ANO2: variants seen among roughly 807,000 people sequenced by gnomAD.
The protein encoded by ANO2 is anoctamin 2, also known as anoctamin-2.
A neutral mutation model predicts 124.2 loss-of-function variants in ANO2; 101 were observed. The observed-to-expected ratio is 0.81, with a 90% CI of 0.69 to 0.96. ANO2 has a LOEUF of 0.96. Ranked by LOEUF, ANO2 falls within the 40% of genes least tolerant of loss-of-function variation. ANO2 has a pLI of 0.00. For synonymous variants in ANO2, 486 were observed against 482.5 expected (o/e 1.01, Z -0.09); for missense variants, 1,293 against 1,274.5 (o/e 1.01, Z -0.22).
chr12:5,849,378 C>G (rs1954793799), intron 4 of ANO2, among the ~76,000 whole-genome samples: 1 of 152,032 alleles, frequency 6.6e-6, no homozygotes, highest in African/African-American at 2.4e-5. Context: ...TTCATATATA[C>G]AAAAAAAGCA....
At chr12:5,691,775 T>G (rs1047580310) in intron 14 of ANO2, among the ~76,000 whole-genome samples, 2 of 152,020 alleles carry the variant, frequency 1.3e-5, no homozygotes, top group Non-Finnish European at 2.9e-5. Context: ...TGGTGGTGCA[T>G]GCCTGTAATT....
intron 14 of ANO2, among the ~76,000 whole-genome samples, chr12:5,648,842 G>A (rs1946772747): frequency 6.6e-6 from 1 of 152,208 alleles, no homozygotes; most frequent in African/African-American, 2.4e-5. Context: ...GGGGCTCAGC[G>A]GTGAGCGCTC....
rs1352399577 is a variant in ANO2, at chr12:5,922,557, G to A, written c.207+63C>T. The A allele has an allele frequency of 4.1e-6, 6 of 1,468,046 alleles. No individual in the cohort carries two copies. The East Asian group carries it at 7.6e-5, about 19-fold the overall frequency. The allele number at this position is 1,468,046 out of a possible 1,614,324, so 90.9% of individuals were successfully genotyped here. A position where few individuals can be genotyped will look rare whatever the true frequency, so the allele number is the denominator to read the frequency against. ...AACTGGAGGATCCCCCAGACCAGAG[G>A]CTCCTTGGTGGCCTGCAACAGGGCT... On this transcript the variant is annotated intron_variant, in intron 2 of 24. Transcript: ENST00000682330.
At chr12:5,764,473 G>T (rs774899776) in intron 10 of ANO2, among the ~76,000 whole-genome samples, 48 of 152,124 alleles carry the variant, frequency 3.2e-4, no homozygotes, top group Non-Finnish European at 4.4e-4. Context: ...CTAACCCAAG[G>T]TTGCACAGCT....
rs1277244362 is a variant in ANO2 at position 5,808,013 on chromosome 12, A to G, written c.893-645T>C. Among the ~76,000 whole-genome samples the G allele has an allele frequency of 2.0e-5, 3 of 152,364 alleles. No individual in the cohort carries two copies. The East Asian group carries it at 5.8e-4, about 29-fold the overall frequency. On this transcript the variant is annotated intron_variant, in intron 7 of 24. Transcript: ENST00000682330. ...AGTACATAGTGGGGTGTTGTGGCAC[A>G]TGCTGACATCATCCCCTATGGCTAA...
chr12:5,784,898 G>C (rs1469060055), intron 10 of ANO2, among the ~76,000 whole-genome samples: 1 of 152,196 alleles, frequency 6.6e-6, no homozygotes, highest in African/African-American at 2.4e-5. Flanking sequence ...TGCCGAGTTT[G>C]CTCATTGCTT....
At chr12:5,868,681 G>A (rs941319426) in intron 3 of ANO2, among the ~76,000 whole-genome samples, 5 of 152,136 alleles carry the variant, frequency 3.3e-5, no homozygotes, top group South Asian at 4.1e-4. Context: ...TCTATGAGGC[G>A]AAAGCCCAGT....
At chr12:5,699,340 C>G (rs1194396197) in intron 14 of ANO2, among the ~76,000 whole-genome samples, 2 of 152,034 alleles carry the variant, frequency 1.3e-5, no homozygotes, top group Non-Finnish European at 2.9e-5. Context: ...TCCAGCCAAA[C>G]TAAGCTTCAT....
intron 3 of ANO2, among the ~76,000 whole-genome samples, chr12:5,890,686 A>C (rs951534801): frequency 2.6e-5 from 4 of 152,358 alleles, no homozygotes; most frequent in Non-Finnish European, 5.9e-5. Context: ...AGGAGGCAGC[A>C]GGGGAAGAAT....
chr12:5,599,407 C>T, intron 20 of ANO2, 77 bp downstream of exon 20: 8 of 1,499,074 alleles, frequency 5.3e-6, no homozygotes, highest in African/African-American at 1.4e-5. Context: ...TCCCCAATCC[C>T]CTACCTTCCC....
intron 14 of ANO2, among the ~76,000 whole-genome samples, chr12:5,731,199 C>T (rs1247032170): frequency 6.6e-6 from 1 of 152,208 alleles, no homozygotes; most frequent in Admixed American, 6.5e-5. Flanking sequence ...TGACAGAACA[C>T]AGAATGCTTG....
intron 1 of ANO2, among the ~76,000 whole-genome samples, chr12:5,932,921 T>C (rs7398095): frequency 0.41 from 61,569 of 152,016 alleles, 13,861 homozygotes; most frequent in East Asian, 0.78. Context: ...CATCTACCAA[T>C]GGGCAAAGGA....
At chr12:5,686,628 C>T (rs1449511565) in intron 14 of ANO2, among the ~76,000 whole-genome samples, 1 of 152,164 alleles carries the variant, frequency 6.6e-6, no homozygotes, top group Non-Finnish European at 1.5e-5. Context: ...GCTGGAGGGG[C>T]CTTTACTCTA....
chr12:5,870,451 A>C (rs1033685054), intron 3 of ANO2: 3 of 152,246 alleles, frequency 2.0e-5, no homozygotes, highest in African/African-American at 7.2e-5. Context: ...ATACAATGAC[A>C]GCATTGAACT....
chr12:5,684,416 T>C (rs372101), intron 14 of ANO2, among the ~76,000 whole-genome samples: 18,963 of 152,188 alleles, frequency 0.12, 1,283 homozygotes, highest in East Asian at 0.22. Flanking sequence ...GGGAAACAGA[T>C]GAGTACAAGA....
intron 22 of ANO2, among the ~76,000 whole-genome samples, chr12:5,576,413 T>C (rs1942414272): frequency 6.6e-6 from 1 of 152,230 alleles, no homozygotes; most frequent in South Asian, 2.1e-4. Context: ...GGCAAGGAAA[T>C]GGAATGCCCA....
At position 5,845,854 on chromosome 12, in the gene ANO2, G is replaced by A. The variant is rs11063882; in HGVS notation, c.633+8189C>T. ...CTAACGGTCATATCTACCTCATGTC[G>A]TTGTTGTGAAGGTGAAAACAAATCA... On this transcript the variant is annotated intron_variant, in intron 4 of 24. Coordinates refer to ENST00000682330, the MANE Select transcript of ANO2 (RefSeq NM_001364791.2). Among the ~76,000 whole-genome samples the A allele has an allele frequency of 5.3e-5, 8 of 152,240 alleles. No homozygotes were observed. The East Asian group carries it at 5.8e-4, about 11-fold the overall frequency.
chr12:5,710,509 G>T (rs947364755), intron 14 of ANO2, among the ~76,000 whole-genome samples: 2 of 152,206 alleles, frequency 1.3e-5, no homozygotes, highest in African/African-American at 4.8e-5. Context: ...TGGAGGCAGT[G>T]GTTAAACAGG....
chr12:5,674,251 A>G (rs1948134534), intron 14 of ANO2, among the ~76,000 whole-genome samples: 1 of 152,228 alleles, frequency 6.6e-6, no homozygotes, highest in Non-Finnish European at 1.5e-5. Context: ...AAAGGAAAGA[A>G]GAGTAAAATA....
Sources: allele counts gnomAD v4.1 joint callset (sites outside exome capture counted in the v4.1 genomes callset), GRCh38; gene constraint gnomAD v4.1.1; transcripts MANE v1.5; gene names NCBI Gene and HGNC (gene_info 2026-07-23, HGNC 2026-07-21).